GATAD2B: variants seen among roughly 807,000 people sequenced by gnomAD.
GATAD2B encodes GATA zinc finger domain containing 2B, also known as transcriptional repressor p66-beta.
A neutral mutation model predicts 64.3 loss-of-function variants in GATAD2B; 8 were observed. That is an observed-to-expected ratio of 0.12 (90% CI 0.07 to 0.22). The LOEUF (loss-of-function observed/expected upper bound fraction) is 0.22, where lower values mean the gene tolerates loss of function less well. GATAD2B is among the 10% of genes least tolerant of loss of function. The pLI, the probability that GATAD2B is intolerant of heterozygous loss-of-function variation, is 1.00. For missense variants in GATAD2B, 453 were observed against 752.0 expected (o/e 0.60, Z 4.65); for synonymous variants, 281 against 271.3 (o/e 1.04, Z -0.35).
At chr1:153,892,248 AC>A (rs1351941839) in intron 1 of GATAD2B, among the ~76,000 whole-genome samples, 1 of 151,986 alleles carries the variant, frequency 6.6e-6, no homozygotes, top group Non-Finnish European at 1.5e-5. Flanking sequence ...TAAGTCACTC[AC>A]AAAACTCAAG....
intron 1 of GATAD2B, among the ~76,000 whole-genome samples, chr1:153,862,533 T>C (rs1676342949): frequency 6.6e-6 from 1 of 152,108 alleles, no homozygotes; most frequent in African/African-American, 2.4e-5. Flanking sequence ...TTGGGGCTTG[T>C]AGAAGAAACT....
chr1:153,909,379 A>C (rs1455846378), intron 1 of GATAD2B, among the ~76,000 whole-genome samples: 1 of 151,650 alleles, frequency 6.6e-6, no homozygotes, highest in Non-Finnish European at 1.5e-5. Context: ...ATGACGACTA[A>C]TTTTTTGTAT....
intron 2 of GATAD2B, among the ~76,000 whole-genome samples, chr1:153,821,145 C>T (rs978948514): frequency 5.9e-5 from 9 of 151,822 alleles, no homozygotes; most frequent in Admixed American, 3.3e-4. Flanking sequence ...CTGTGCCTGG[C>T]TAATTTTTTA....
intron 1 of GATAD2B, among the ~76,000 whole-genome samples, chr1:153,885,874 A>C (rs1677168754): frequency 6.6e-6 from 1 of 151,122 alleles, no homozygotes; most frequent in Non-Finnish European, 1.5e-5. Context: ...AAAAAAAAAA[A>C]AAAAAAAGGA....
At chr1:153,901,325 T>A (rs2101960391) in intron 1 of GATAD2B, among the ~76,000 whole-genome samples, 1 of 152,236 alleles carries the variant, frequency 6.6e-6, no homozygotes, top group East Asian at 1.9e-4. Flanking sequence ...CACTTCAGCC[T>A]GGGTGACAAA....
intron 1 of GATAD2B, among the ~76,000 whole-genome samples, chr1:153,836,263 G>GTTTTT (rs754264117): frequency 3.8e-5 from 4 of 106,584 alleles, no homozygotes; most frequent in South Asian, 3.2e-4. Flanking sequence ...AAAAAAATTT[G>GTTTTT]TTTTTTTTTT....
chr1:153,881,448 A>G (rs908232671), intron 1 of GATAD2B, among the ~76,000 whole-genome samples: 1 of 152,246 alleles, frequency 6.6e-6, no homozygotes, highest in Non-Finnish European at 1.5e-5. Context: ...GAGGGAAAGA[A>G]GATCCAAACC....
chr1:153,830,164 T>TC (rs1440186897), intron 1 of GATAD2B, among the ~76,000 whole-genome samples: 2 of 152,172 alleles, frequency 1.3e-5, no homozygotes, highest in African/African-American at 4.8e-5. Flanking sequence ...ATGTATTTAT[T>TC]TGAGATGGAC....
chr1:153,921,284 G>A (rs1678421286), intron 1 of GATAD2B, among the ~76,000 whole-genome samples: 1 of 152,222 alleles, frequency 6.6e-6, no homozygotes, highest in Non-Finnish European at 1.5e-5. Context: ...TGTGCTAGGA[G>A]GGGAAGGAGA....
chr1:153,835,488 T>A (rs1164655417), intron 1 of GATAD2B, among the ~76,000 whole-genome samples: 5 of 149,216 alleles, frequency 3.4e-5, no homozygotes, highest in African/African-American at 1.2e-4. Flanking sequence ...AAAAAAAAAA[T>A]TGCCAGGTTA....
intron 1 of GATAD2B, among the ~76,000 whole-genome samples, chr1:153,920,026 A>G (rs1270382917): frequency 6.6e-6 from 1 of 152,242 alleles, no homozygotes; most frequent in Non-Finnish European, 1.5e-5. Context: ...TTAAGCGCAG[A>G]GGGGCTGCTT....
intron 1 of GATAD2B, among the ~76,000 whole-genome samples, chr1:153,893,258 T>C (rs1175872287): frequency 6.6e-6 from 1 of 152,138 alleles, no homozygotes; most frequent in African/African-American, 2.4e-5. Context: ...TTACGAGGAT[T>C]TGGTATAGTA....
At chr1:153,905,715 T>G (rs192347370) in intron 1 of GATAD2B, among the ~76,000 whole-genome samples, 2 of 149,098 alleles carry the variant, frequency 1.3e-5, no homozygotes, top group East Asian at 2.0e-4. Flanking sequence ...GAAAACTGCT[T>G]GAGCCCAGGA....
chr1:153,876,247 A>G (rs1327441553), intron 1 of GATAD2B, among the ~76,000 whole-genome samples: 1 of 149,996 alleles, frequency 6.7e-6, no homozygotes, highest in Non-Finnish European at 1.5e-5. Context: ...AAAAAAAAAA[A>G]AAAAAAAAAA....
chr1:153,812,188 T>TC lies in GATAD2B; in HGVS notation c.1420-57dup, dbSNP rs1674315413. 16 of 866,508 alleles carry TC rather than the reference T, an allele frequency of 1.8e-5. No homozygotes were observed. In the South Asian group the frequency reaches 2.3e-4, roughly 12 times the overall value. The allele number at this position is 866,508 out of a possible 1,614,324, so 53.7% of individuals were successfully genotyped here. On this transcript the variant is annotated intron_variant, in intron 8 of 10. Transcript: ENST00000368655. Reference sequence around the variant, plus strand: ...GCAGGACAGCACCCAATACCCAATTTCCTTTTTTTTTTTTTTTTTTAAACA... The same window carrying TC: ...GCAGGACAGCACCCAATACCCAATTTCCCTTTTTTTTTTTTTTTTTTAAACA...
chr1:153,895,872 C>T (rs1677574233), intron 1 of GATAD2B, among the ~76,000 whole-genome samples: 1 of 151,570 alleles, frequency 6.6e-6, no homozygotes, highest in African/African-American at 2.4e-5. Context: ...TTCAAAAATC[C>T]ATCTGGGCTG....
At chr1:153,856,573 A>G (rs1676087720) in intron 1 of GATAD2B, among the ~76,000 whole-genome samples, 1 of 152,128 alleles carries the variant, frequency 6.6e-6, no homozygotes, top group Non-Finnish European at 1.5e-5. Context: ...CTTTAAGATT[A>G]AAAAAATTAA....
At chr1:153,838,612 T>A (rs1236052624) in intron 1 of GATAD2B, among the ~76,000 whole-genome samples, 1 of 152,098 alleles carries the variant, frequency 6.6e-6, no homozygotes, top group African/African-American at 2.4e-5. Context: ...GCGACTCTCA[T>A]GCCTCGGCCT....
intron 2 of GATAD2B, among the ~76,000 whole-genome samples, chr1:153,821,692 T>A (rs1308013452): frequency 6.6e-6 from 1 of 151,936 alleles, no homozygotes; most frequent in African/African-American, 2.4e-5. Flanking sequence ...TCAGCCTCAG[T>A]AGCTGGGATT....
Sources: gnomAD v4.1 joint callset for allele counts (sites outside exome capture counted in the v4.1 genomes callset) on GRCh38, gnomAD v4.1.1 for gene constraint, MANE v1.5 for transcripts, NCBI Gene and HGNC (gene_info 2026-07-23, HGNC 2026-07-21) for gene names.